GRB10: variants seen among roughly 807,000 people sequenced by gnomAD.
GRB10 encodes the protein growth factor receptor bound protein 10.
Under a neutral mutation model 80.9 loss-of-function variants are expected in GRB10, and 20 were observed. The observed-to-expected ratio is 0.25, with a 90% CI of 0.17 to 0.36. The LOEUF (loss-of-function observed/expected upper bound fraction) is 0.36. Ranked by LOEUF, GRB10 falls within the 10% of genes least tolerant of loss-of-function variation. GRB10 has a pLI of 1.00. For missense variants in GRB10, 548 were observed against 747.7 expected (o/e 0.73, Z 3.12); for synonymous variants, 291 against 291.5 (o/e 1.00, Z 0.02).
intron 2 of GRB10, among the ~76,000 whole-genome samples, chr7:50,757,774 C>T (rs6963612): frequency 0.011 from 1,709 of 152,276 alleles, 26 homozygotes; most frequent in African/African-American, 0.038. Flanking sequence ...CAACAGCATA[C>T]GAATCACTGC....
intron 3 of GRB10, among the ~76,000 whole-genome samples, chr7:50,755,619 G>C (rs983135976): frequency 6.6e-6 from 1 of 152,162 alleles, no homozygotes; most frequent in Non-Finnish European, 1.5e-5. Flanking sequence ...TCCGCGAGGA[G>C]AGTGTGCGCA....
At chr7:50,754,881 C>T (rs1431690584) in intron 3 of GRB10, among the ~76,000 whole-genome samples, 1 of 152,254 alleles carries the variant, frequency 6.6e-6, no homozygotes. Flanking sequence ...AAGTTAAAAC[C>T]GGGTCACAAA....
chr7:50,665,860 C>T (rs144121249), intron 7 of GRB10, among the ~76,000 whole-genome samples: 52 of 152,290 alleles, frequency 3.4e-4, no homozygotes, highest in African/African-American at 1.2e-3. Context: ...GCCCCCTTTG[C>T]GCCGGTGTAC....
chr7:50,763,745 G>A (rs536621114), intron 2 of GRB10, among the ~76,000 whole-genome samples: 12 of 152,294 alleles, frequency 7.9e-5, no homozygotes, highest in African/African-American at 2.2e-4. Context: ...CCAGCTCATT[G>A]GCTGCGGAAG....
intron 7 of GRB10, among the ~76,000 whole-genome samples, chr7:50,645,061 C>T (rs951115937): frequency 1.3e-5 from 2 of 152,122 alleles, no homozygotes; most frequent in African/African-American, 2.4e-5. Context: ...ATGGAGCTAT[C>T]ATTTAGGGCT....
chr7:50,608,964 CAAAA>C (rs60832218), intron 13 of GRB10, among the ~76,000 whole-genome samples: 9 of 100,342 alleles, frequency 9.0e-5, no homozygotes, highest in Non-Finnish European at 4.0e-5. Flanking sequence ...GACCCTGACT[CAAAA>C]AAAAAAAAAA....
intron 9 of GRB10, among the ~76,000 whole-genome samples, chr7:50,618,424 G>A (rs756619176): frequency 4.6e-5 from 7 of 152,336 alleles, no homozygotes; most frequent in South Asian, 4.1e-4. Flanking sequence ...CGATGCCAGC[G>A]TCCCAGCCCA....
In GRB10 at chr7:50,738,157, T is replaced by C. The variant is rs564891386; in HGVS notation, c.-46-5789A>G. Among the ~76,000 whole-genome samples, 133 of 152,308 alleles carry C rather than the reference T, an allele frequency of 8.7e-4. 1 individual carries two copies. The highest frequency in any genetic ancestry group is 3.0e-3 in the African/African-American group (123 of 41,576). ...GTGGAGAAACTGGAACCCCTGAGCA[T>C]TGCTGGTAGGCATGCAAAATGGTGT... On this transcript the variant is annotated intron_variant, in intron 3 of 18. Coordinates refer to ENST00000401949, the MANE Select transcript of GRB10 (RefSeq NM_001350814.2).
intron 5 of GRB10, among the ~76,000 whole-genome samples, chr7:50,701,065 G>GT (rs1320875866): frequency 6.6e-6 from 1 of 151,554 alleles, no homozygotes; most frequent in African/African-American, 2.4e-5. Flanking sequence ...TTTTTCTTCC[G>GT]TTTTCTACTT....
At position 50,590,263 on chromosome 7, in the gene GRB10, C is replaced by T. The variant is rs985222296; in HGVS notation, c.*2689G>A. 1.3e-5 allele frequency: 2 copies of T among 152,240 alleles called. No homozygotes were observed. Among genetic ancestry groups the T allele is most frequent in the African/African-American group, 2.4e-5 (1 of 41,466 alleles). The allele number at this position is 152,240 out of a possible 1,614,324, so 9.4% of individuals were successfully genotyped here. On this transcript the variant is annotated 3_prime_UTR_variant, in exon 19 of 19. Transcript: ENST00000401949. ...TGCATTCCCTGAAAACGTTTATACA[C>T]GCCAGGCCAATTTACAGTCACTGCA...
intron 7 of GRB10, among the ~76,000 whole-genome samples, chr7:50,646,399 T>A (rs1176051471): frequency 1.3e-5 from 2 of 152,204 alleles, no homozygotes; most frequent in African/African-American, 2.4e-5. Flanking sequence ...CAAGATACTG[T>A]CCGCAGTGTC....
At chr7:50,637,518 A>G (rs1474558215) in intron 7 of GRB10, among the ~76,000 whole-genome samples, 35 of 152,292 alleles carry the variant, frequency 2.3e-4, no homozygotes. Flanking sequence ...CACAAGGAAA[A>G]CTACAAACCC....
intron 7 of GRB10, among the ~76,000 whole-genome samples, chr7:50,664,131 G>A (rs944059856): frequency 1.8e-4 from 27 of 152,148 alleles, no homozygotes; most frequent in Non-Finnish European, 2.9e-4. Flanking sequence ...GTCTTGCCTC[G>A]AGGAGCTACT....
chr7:50,735,872 A>C (rs73350806), intron 3 of GRB10, among the ~76,000 whole-genome samples: 1,694 of 152,290 alleles, frequency 0.011, 34 homozygotes, highest in African/African-American at 0.035. Flanking sequence ...CTACAGGAAA[A>C]AAAACAAAAC....
At chr7:50,602,957 G>A (rs967304290) in intron 17 of GRB10, among the ~76,000 whole-genome samples, 2 of 152,162 alleles carry the variant, frequency 1.3e-5, no homozygotes, top group Non-Finnish European at 2.9e-5. Context: ...AGGAGGAGGA[G>A]AATGTAGGAA....
intron 8 of GRB10, among the ~76,000 whole-genome samples, chr7:50,624,406 C>A (rs1247128869): frequency 6.6e-6 from 1 of 152,184 alleles, no homozygotes; most frequent in Non-Finnish European, 1.5e-5. Flanking sequence ...TGAGAGGCAC[C>A]CTGCAGCCCT....
Position 50,756,061 on chromosome 7 carries a change from A to T in GRB10, c.-216-5T>A, listed in dbSNP as rs1016488955. On this transcript the variant is annotated splice_polypyrimidine_tract_variant and splice_region_variant and intron_variant, in intron 2 of 18. Transcript: ENST00000401949. ...GCATTGTGGTCAGCGCCAAAGCTGGAAAGTCAAACGGGCCATCACTGAACT... is the reference window on the plus strand; with the variant it reads ...GCATTGTGGTCAGCGCCAAAGCTGGTAAGTCAAACGGGCCATCACTGAACT... 3 of 398,534 alleles carry T rather than the reference A, an allele frequency of 7.5e-6. No individual in the cohort carries two copies. The highest frequency in any genetic ancestry group is 6.2e-5 in the African/African-American group (3 of 48,644). The allele number at this position is 398,534 out of a possible 1,614,324, so 24.7% of individuals were successfully genotyped here. A position where few individuals can be genotyped will look rare whatever the true frequency, so the allele number is the denominator to read the frequency against.
intron 7 of GRB10, among the ~76,000 whole-genome samples, chr7:50,659,324 G>A (rs1445311338): frequency 6.6e-6 from 1 of 152,084 alleles, no homozygotes; most frequent in Non-Finnish European, 1.5e-5. Flanking sequence ...GGTAAAAAAC[G>A]TGAAGAGATC....
Position 50,595,432 on chromosome 7 carries a change from CT to C in GRB10, c.1638+4del. The C allele has an allele frequency of 6.9e-7, 1 of 1,459,758 alleles. No individual in the cohort carries two copies. The highest frequency in any genetic ancestry group is 9.6e-7 in the Non-Finnish European group (1 of 1,039,424). 90.4% of individuals were successfully genotyped at this position (1,459,758 alleles called of 1,614,324 possible). On this transcript the variant is annotated splice_donor_region_variant and intron_variant, in intron 18 of 18. Coordinates refer to ENST00000401949, the MANE Select transcript of GRB10 (RefSeq NM_001350814.2). ...AAGGACTGGTCTGAGAACATCAATA[CT>C]TACAGGTAAGATCTGGAAATTTTTA...
Sources: gnomAD v4.1 joint callset for allele counts (sites outside exome capture counted in the v4.1 genomes callset) on GRCh38, gnomAD v4.1.1 for gene constraint, MANE v1.5 for transcripts, NCBI Gene and HGNC (gene_info 2026-07-23, HGNC 2026-07-21) for gene names.